SYNE2: variants seen among roughly 807,000 people sequenced by gnomAD.
SYNE2 encodes spectrin repeat containing nuclear envelope protein 2.
A neutral mutation model predicts 856.3 loss-of-function variants in SYNE2; 431 were observed. That is an observed-to-expected ratio of 0.50 (90% confidence interval 0.47 to 0.55). The LOEUF is 0.55. SYNE2 is among the 20% of genes least tolerant of loss of function. The pLI, the probability that SYNE2 is intolerant of heterozygous loss-of-function variation, is 0.00. For missense variants in SYNE2, 8,129 were observed against 8,023.2 expected (o/e 1.01, Z -0.50); for synonymous variants, 2,923 against 2,872.3 (o/e 1.02, Z -0.56).
At chr14:63,772,362 A>AC (rs1459201860) in intron 1 of SYNE2, among the ~76,000 whole-genome samples, 5 of 151,916 alleles carry the variant, frequency 3.3e-5, no homozygotes, top group Non-Finnish European at 7.4e-5. Context: ...TCAAAAACAA[A>AC]AAAACAAACA....
chr14:64,218,601 C>G (rs555094081), intron 109 of SYNE2, 89 bp downstream of exon 109: 1 of 1,280,300 alleles, frequency 7.8e-7, no homozygotes, highest in African/African-American at 1.4e-5. Context: ...TATTAACCAA[C>G]TATACGATTC....
chr14:64,186,868 C>T (rs1462130794), intron 97 of SYNE2, among the ~76,000 whole-genome samples: 1 of 152,192 alleles, frequency 6.6e-6, no homozygotes, highest in Non-Finnish European at 1.5e-5. Context: ...GTAGACTGCT[C>T]TCTGGCTTGT....
rs192388635 is a variant in SYNE2, at chr14:64,062,597, T to C, written c.10068-154T>C. ...AGGTCCCTTTGGGAATAAAAACTTC[T>C]TGGAAAACATTTTAAAATGCATTGC... On this transcript the variant is annotated intron_variant, in intron 49 of 115. Transcript: ENST00000555002. Among the ~76,000 whole-genome samples, 13 of 152,374 alleles carry C rather than the reference T, an allele frequency of 8.5e-5. No homozygotes were observed. In the East Asian group the frequency reaches 1.7e-3, roughly 20 times the overall value.
intron 8 of SYNE2, among the ~76,000 whole-genome samples, chr14:63,955,860 A>G (rs1427933087): frequency 2.6e-5 from 4 of 152,188 alleles, no homozygotes; most frequent in Non-Finnish European, 5.9e-5. Context: ...TTAGGGTTGT[A>G]TTTGCTGAAG....
intron 1 of SYNE2, among the ~76,000 whole-genome samples, chr14:63,815,732 G>C (rs1337426011): frequency 2.6e-5 from 4 of 151,946 alleles, no homozygotes; most frequent in Admixed American, 2.0e-4. Flanking sequence ...TAACAACTCA[G>C]GTATGGACAA....
Position 64,222,241 on chromosome 14 carries a change from C to T in SYNE2, c.20190+537C>T, listed in dbSNP as rs146994700. 1.8e-4 allele frequency among the ~76,000 whole-genome samples: 28 copies of T among 152,264 alleles called. No homozygotes were observed. The East Asian group carries it at 5.4e-3, about 29-fold the overall frequency. ...TTTTAAATTTTAATCAGAGTGCTAG[C>T]CATTGTTTAAAAATACAGCTTCCTA... On this transcript the variant is annotated intron_variant, in intron 112 of 115. Transcript: ENST00000555002.
chr14:63,942,665 T>C (rs1387686316), intron 6 of SYNE2, among the ~76,000 whole-genome samples: 1 of 152,040 alleles, frequency 6.6e-6, no homozygotes, highest in Non-Finnish European at 1.5e-5. Flanking sequence ...CCAGCCAATT[T>C]TGTATTTTTA....
At chr14:63,860,424 G>T (rs1893227264) in intron 1 of SYNE2, among the ~76,000 whole-genome samples, 1 of 152,210 alleles carries the variant, frequency 6.6e-6, no homozygotes, top group South Asian at 2.1e-4. Flanking sequence ...TGAGTTGAAA[G>T]ATAAGTGTGA....
chr14:64,097,283 A>C (rs1267061642), intron 61 of SYNE2, among the ~76,000 whole-genome samples: 1 of 152,220 alleles, frequency 6.6e-6, no homozygotes, highest in Non-Finnish European at 1.5e-5. Context: ...CCTATTTAGT[A>C]GGAAGATTTT....
chr14:64,074,130 A>G lies in SYNE2; in HGVS notation c.10860A>G (p.Gln3620=), dbSNP rs749968967. 5.0e-6 allele frequency: 8 copies of G among 1,613,962 alleles called. No homozygotes were observed. The highest frequency in any genetic ancestry group is 6.8e-6 in the Non-Finnish European group (8 of 1,179,950). ...AGGATCACCCAGAAAAGTCAGAACA[A>G]TTTGAGGTAAGTGAGGAATGAATTA... ...AFQDHPEKSE[Q]FEELQSILKK... is the part of the protein sequence containing the mutation. The change falls in exon 53 of 116, where the codon CAA becomes CAG. Residue 3620 remains glutamine, a synonymous_variant. Coordinates refer to ENST00000555002, the MANE Select transcript of SYNE2 (RefSeq NM_182914.3).
At chr14:64,189,498 G>A (rs1360337635) in intron 98 of SYNE2, among the ~76,000 whole-genome samples, 2 of 152,190 alleles carry the variant, frequency 1.3e-5, no homozygotes, top group Non-Finnish European at 2.9e-5. Flanking sequence ...GTAACTGATA[G>A]CAGCCTAATT....
intron 57 of SYNE2, among the ~76,000 whole-genome samples, chr14:64,083,220 T>G (rs10141709): frequency 0.11 from 15,978 of 152,116 alleles, 984 homozygotes; most frequent in African/African-American, 0.17. Context: ...CATTTTTTTT[T>G]CTTTTCTTCC....
intron 90 of SYNE2, 78 bp downstream of exon 90, chr14:64,165,488 T>G (rs1258298974): frequency 6.7e-7 from 1 of 1,482,500 alleles, no homozygotes; most frequent in Non-Finnish European, 9.4e-7. Flanking sequence ...ACTGTGAACT[T>G]ATGGAATGCT....
intron 2 of SYNE2, among the ~76,000 whole-genome samples, chr14:63,937,571 T>C (rs1294754256): frequency 6.6e-6 from 1 of 151,856 alleles, no homozygotes; most frequent in Non-Finnish European, 1.5e-5. Flanking sequence ...CTGAGTTTAA[T>C]GATGAGGGAG....
intron 1 of SYNE2, among the ~76,000 whole-genome samples, chr14:63,884,023 G>A (rs2094925803): frequency 1.3e-5 from 2 of 152,188 alleles, no homozygotes; most frequent in African/African-American, 4.8e-5. Context: ...GCGGGCCCTT[G>A]GTGTGGCCCA....
At chr14:63,881,288 T>C (rs960356870) in intron 1 of SYNE2, among the ~76,000 whole-genome samples, 1 of 152,040 alleles carries the variant, frequency 6.6e-6, no homozygotes, top group Non-Finnish European at 1.5e-5. Flanking sequence ...CAAAGGAAAC[T>C]TTTATGTTTT....
At chr14:64,098,919 T>A (rs1438046345) in intron 63 of SYNE2, 98 bp downstream of exon 63, 3 of 1,184,352 alleles carry the variant, frequency 2.5e-6, no homozygotes, top group Non-Finnish European at 2.5e-6. Context: ...TAAGAATTTT[T>A]AAAATTAATG....
At chr14:63,860,755 A>G (rs1484820479) in intron 1 of SYNE2, among the ~76,000 whole-genome samples, 3 of 152,200 alleles carry the variant, frequency 2.0e-5, no homozygotes, top group Admixed American at 2.0e-4. Flanking sequence ...TTTTTTAAAT[A>G]CTTATTGAAT....
In SYNE2 at chr14:64,018,326, G is replaced by A. The variant is rs143148611; in HGVS notation, c.5049+570G>A. ...ACGATCTCGGCTCACTGCAACCTCCGCCTCCTAGGTTCACATGATTCTCCT... is the reference window on the plus strand; with the variant it reads ...ACGATCTCGGCTCACTGCAACCTCCACCTCCTAGGTTCACATGATTCTCCT... On this transcript the variant is annotated intron_variant, in intron 34 of 115. Transcript: ENST00000555002. Among the ~76,000 whole-genome samples the A allele has an allele frequency of 6.4e-3, 978 of 152,114 alleles. 18 individuals carry two copies. Among genetic ancestry groups the A allele is most frequent in the African/African-American group, 0.022 (932 of 41,476 alleles).
Sources: allele counts gnomAD v4.1 joint callset (sites outside exome capture counted in the v4.1 genomes callset), GRCh38; gene constraint gnomAD v4.1.1; transcripts MANE v1.5; gene names NCBI Gene and HGNC (gene_info 2026-07-23, HGNC 2026-07-21).